The following TGFB2 variants were observed in gnomAD, a reference collection of about 807,000 sequenced individuals.
TGFB2 encodes the protein transforming growth factor beta 2.
In TGFB2, 13 loss-of-function variants were observed where a neutral mutation model predicts 42.7. The ratio of observed to expected loss-of-function variants is 0.30; its 90% CI spans 0.20 to 0.48. The LOEUF is 0.48. TGFB2 is among the 20% of genes least tolerant of loss of function. The pLI, the probability that TGFB2 is intolerant of heterozygous loss-of-function variation, is 0.99. For synonymous variants in TGFB2, 193 were observed against 193.6 expected (o/e 1.00, Z 0.03); for missense variants, 390 against 517.5 (o/e 0.75, Z 2.39).
intron 2 of TGFB2, among the ~76,000 whole-genome samples, chr1:218,427,945 C>T (rs1306585761): frequency 6.6e-6 from 1 of 152,146 alleles, no homozygotes; most frequent in African/African-American, 2.4e-5. Flanking sequence ...TTTACAGTCC[C>T]ACCAACAGTG....
At chr1:218,386,944 C>G (rs1490308016) in intron 1 of TGFB2, among the ~76,000 whole-genome samples, 1 of 152,186 alleles carries the variant, frequency 6.6e-6, no homozygotes, top group Non-Finnish European at 1.5e-5. Context: ...AGTCCCTGCT[C>G]TTTTGCTGTT....
intron 2 of TGFB2, among the ~76,000 whole-genome samples, chr1:218,428,967 A>G (rs1428867184): frequency 7.2e-6 from 1 of 138,970 alleles, no homozygotes; most frequent in East Asian, 2.3e-4. Context: ...CCTATCCATG[A>G]GCATCTTTTT....
rs1317014757 is a variant in TGFB2 at position 218,346,892 on chromosome 1, C to T, written c.191C>T (p.Pro64Leu). 1 of 1,614,212 alleles carries T rather than the reference C, an allele frequency of 6.2e-7. No individual in the cohort carries two copies. The highest frequency in any genetic ancestry group is 8.5e-7 in the Non-Finnish European group (1 of 1,180,046). Residue 64 changes from proline to leucine, a missense_variant, in exon 1 of 7, where the codon CCC (proline) becomes CTC (leucine). Coordinates refer to ENST00000366930, the MANE Select transcript of TGFB2 (RefSeq NM_003238.6). The surrounding 1 kb of genome is among the most constrained non-coding windows in gnomAD (Gnocchi z 4.9). ...GACTATCCTGAGCCCGAGGAAGTCC[C>T]CCCGGAGGTGATTTCCATCTACAAC... ...PEDYPEPEEV[P>L]PEVISIYNST... is the part of the protein sequence containing the mutation.
intron 2 of TGFB2, among the ~76,000 whole-genome samples, chr1:218,406,597 A>T (rs932525181): frequency 1.3e-5 from 2 of 152,220 alleles, no homozygotes; most frequent in African/African-American, 4.8e-5. Flanking sequence ...TGGTACTTGC[A>T]TATAGGGTAT....
intron 1 of TGFB2, among the ~76,000 whole-genome samples, chr1:218,356,890 G>A (rs1230820479): frequency 6.6e-6 from 1 of 152,202 alleles, no homozygotes; most frequent in African/African-American, 2.4e-5. Flanking sequence ...GGCGGCTTTA[G>A]CAATAGTATG....
At position 218,437,379 on chromosome 1, in the gene TGFB2, C is replaced by T. The variant is rs1157751755; in HGVS notation, c.969C>T (p.Tyr323=). Residue 323 remains tyrosine (Y), a synonymous_variant, in exon 6 of 7, where the codon TAC becomes TAT. Transcript: ENST00000366930. ...VQDNCCLRPL[Y]IDFKRDLGWK... ...ATAATTGCTGCCTACGTCCACTTTACATTGATTTCAAGAGGGATCTAGGGT... is the reference window on the plus strand; with the variant it reads ...ATAATTGCTGCCTACGTCCACTTTATATTGATTTCAAGAGGGATCTAGGGT... The T allele has an allele frequency of 2.5e-6, 4 of 1,599,344 alleles. No individual in the cohort carries two copies. The Admixed American group carries it at 5.1e-5, about 20-fold the overall frequency.
In TGFB2 at chr1:218,429,357, G is replaced by T. The variant is rs1341179742; in HGVS notation, c.511-4725G>T. Among the ~76,000 whole-genome samples, 2 of 152,300 alleles carry T rather than the reference G, an allele frequency of 1.3e-5. 1 individual carries two copies. On this transcript the variant is annotated intron_variant, in intron 2 of 6. Coordinates refer to ENST00000366930, the MANE Select transcript of TGFB2 (RefSeq NM_003238.6). ...GTGGAATCACAATATTTGTCCTTCT[G>T]TGTCAGCTTATTTCACTTAGCATAA...
rs1659823841 is a variant in TGFB2, at chr1:218,432,040, C to T, written c.511-2042C>T. On this transcript the variant is annotated intron_variant, in intron 2 of 6. Transcript: ENST00000366930. ...TTTTAATCTTATTTAAAAATCTTTG[C>T]CTCTGTCATTGAATGTTTTCTTGAC... Among the ~76,000 whole-genome samples the T allele has an allele frequency of 2.6e-5, 4 of 152,208 alleles. No individual in the cohort carries two copies. The South Asian group carries it at 8.3e-4, about 32-fold the overall frequency.
chr1:218,375,230 T>A (rs1037695308), intron 1 of TGFB2, among the ~76,000 whole-genome samples: 2 of 152,128 alleles, frequency 1.3e-5, no homozygotes, highest in African/African-American at 4.8e-5. Flanking sequence ...TGGTTTTTTT[T>A]ATCCCAACCT....
chr1:218,429,720 A>T (rs1435191129), intron 2 of TGFB2, among the ~76,000 whole-genome samples: 5 of 152,164 alleles, frequency 3.3e-5, no homozygotes, highest in Admixed American at 1.3e-4. Flanking sequence ...CTTTATGAAG[A>T]CTTTCCAAGA....
chr1:218,366,750 C>T (rs970985213), intron 1 of TGFB2, among the ~76,000 whole-genome samples: 2 of 152,208 alleles, frequency 1.3e-5, no homozygotes, highest in Admixed American at 6.5e-5. Context: ...TTTAAACAGG[C>T]ACTGCAGGTG....
chr1:218,444,043 A>G lies in TGFB2; in HGVS notation c.*2681A>G, dbSNP rs1660243005. 1 of 152,056 alleles carries G rather than the reference A, an allele frequency of 6.6e-6. No homozygotes were observed. Among genetic ancestry groups the G allele is most frequent in the South Asian group, 2.1e-4 (1 of 4,822 alleles). 9.4% of individuals were successfully genotyped at this position (152,056 alleles called of 1,614,324 possible). On this transcript the variant is annotated 3_prime_UTR_variant, in exon 7 of 7. Coordinates refer to ENST00000366930, the MANE Select transcript of TGFB2 (RefSeq NM_003238.6). ...AGTACCATCATCGAGTCTAGAAAAC[A>G]CCTGTGATGCAATAAGACTATCTCA...
At chr1:218,423,089 C>T (rs1393148616) in intron 2 of TGFB2, among the ~76,000 whole-genome samples, 1 of 152,076 alleles carries the variant, frequency 6.6e-6, no homozygotes, top group Non-Finnish European at 1.5e-5. Context: ...TCATTTGTTC[C>T]TGCTGTAGGT....
At chr1:218,381,534 G>A (rs908181940) in intron 1 of TGFB2, among the ~76,000 whole-genome samples, 2 of 152,198 alleles carry the variant, frequency 1.3e-5, no homozygotes, top group Admixed American at 1.3e-4. Context: ...GAGTACAGGT[G>A]TGAGCCACAG....
chr1:218,391,901 G>A (rs1456354619), intron 1 of TGFB2, among the ~76,000 whole-genome samples: 1 of 152,228 alleles, frequency 6.6e-6, no homozygotes, highest in Non-Finnish European at 1.5e-5. Context: ...TGAGAATTAT[G>A]TTCAGATGTA....
intron 1 of TGFB2, among the ~76,000 whole-genome samples, chr1:218,400,133 C>A (rs1427855333): frequency 6.6e-6 from 1 of 151,884 alleles, no homozygotes; most frequent in East Asian, 1.9e-4. Context: ...ACTTAAGAAT[C>A]CTATAACTAT....
intron 2 of TGFB2, among the ~76,000 whole-genome samples, chr1:218,430,583 T>C (rs1659775746): frequency 6.6e-6 from 1 of 152,178 alleles, no homozygotes; most frequent in Non-Finnish European, 1.5e-5. Context: ...GTATAAACTT[T>C]TGAATGTAAG....
At chr1:218,368,288 G>C (rs1485169201) in intron 1 of TGFB2, among the ~76,000 whole-genome samples, 2 of 152,054 alleles carry the variant, frequency 1.3e-5, no homozygotes, top group Admixed American at 1.3e-4. Context: ...GGGATTACAG[G>C]CACACACCAC....
intron 1 of TGFB2, among the ~76,000 whole-genome samples, chr1:218,369,307 G>A (rs1470298794): frequency 6.8e-6 from 1 of 146,556 alleles, no homozygotes; most frequent in South Asian, 2.2e-4. Context: ...TATGTTGAAT[G>A]GCCAAGGTGG....
Sources: allele counts gnomAD v4.1 joint callset (sites outside exome capture counted in the v4.1 genomes callset), GRCh38; gene constraint gnomAD v4.1.1; non-coding constraint Gnocchi (gnomAD v3.1); transcripts MANE v1.5; gene names NCBI Gene and HGNC (gene_info 2026-07-23, HGNC 2026-07-21).